Variants in ANKRD11 observed in about 807,000 individuals in gnomAD.
ANKRD11 encodes the protein ankyrin repeat domain 11.
ANKRD11 carries 17 observed loss-of-function variants against 195.7 expected under a neutral mutation model. The ratio of observed to expected loss-of-function variants is 0.09; its 90% CI spans 0.06 to 0.13. ANKRD11 has a LOEUF of 0.13. ANKRD11 is among the 10% of genes least tolerant of loss of function. ANKRD11 has a pLI of 1.00. For synonymous variants in ANKRD11, 1,953 were observed against 1,528.1 expected, an observed-to-expected ratio of 1.28 and a Z score of -6.49; for missense variants, 3,735 against 3,566.1, an observed-to-expected ratio of 1.05 and a Z score of -1.21.
At chr16:89,314,005 C>T (rs2036780573) in intron 3 of ANKRD11, among the ~76,000 whole-genome samples, 1 of 152,332 alleles carries the variant, frequency 6.6e-6, no homozygotes, top group East Asian at 1.9e-4. Flanking sequence ...TGAAGGATCA[C>T]TTGAGCTCAG....
intron 2 of ANKRD11, among the ~76,000 whole-genome samples, chr16:89,379,828 A>G (rs1005077749): frequency 1.3e-5 from 2 of 152,260 alleles, no homozygotes; most frequent in African/African-American, 4.8e-5. Context: ...CAAGAAGAGT[A>G]TACATAATAA....
At chr16:89,315,285 G>A (rs182502982) in intron 3 of ANKRD11, among the ~76,000 whole-genome samples, 1 of 152,290 alleles carries the variant, frequency 6.6e-6, no homozygotes, top group East Asian at 1.9e-4. Flanking sequence ...CGTGAATGCT[G>A]AGTCCCAGGA....
At chr16:89,335,334 A>G (rs2038295505) in intron 2 of ANKRD11, among the ~76,000 whole-genome samples, 1 of 152,182 alleles carries the variant, frequency 6.6e-6, no homozygotes, top group African/African-American at 2.4e-5. Flanking sequence ...AGTTCCTTCC[A>G]GCACAGGAAC....
intron 6 of ANKRD11, among the ~76,000 whole-genome samples, chr16:89,290,223 TGGGGGAGGCTCAGGGCTCCAG>T (rs1567590921): frequency 3.0e-5 from 4 of 131,258 alleles, no homozygotes; most frequent in African/African-American, 1.2e-4. Flanking sequence ...ACGGCTCCAA[TGGGGGAGGCTCAGGGCTCCAG>T]CGGGGGGTAG....
intron 2 of ANKRD11, among the ~76,000 whole-genome samples, chr16:89,378,659 G>T (rs966723679): frequency 1.3e-5 from 2 of 152,160 alleles, no homozygotes; most frequent in African/African-American, 4.8e-5. Flanking sequence ...TGTACACAAA[G>T]ATTTCTGCCT....
At chr16:89,356,979 T>G (rs183394640) in intron 2 of ANKRD11, among the ~76,000 whole-genome samples, 2 of 152,072 alleles carry the variant, frequency 1.3e-5, no homozygotes, top group Non-Finnish European at 2.9e-5. Context: ...CTTGGAGGGG[T>G]TGGTGGCTGC....
Position 89,290,993 on chromosome 16 carries a change from C to A in ANKRD11, c.397+20G>T. ...AGAGCCCCTTCCCTGCGCCAGGGAC[C>A]ACCCACAGGCCGGGCTCACCTGGGC... On this transcript the variant is annotated intron_variant, in intron 5 of 12. Coordinates refer to ENST00000301030, the MANE Select transcript of ANKRD11 (RefSeq NM_013275.6). 6.2e-7 allele frequency: 1 copy of A among 1,610,500 alleles called. No homozygotes were observed. Among genetic ancestry groups the A allele is most frequent in the Non-Finnish European group, 8.5e-7 (1 of 1,179,734 alleles).
chr16:89,397,316 C>T (rs2041482599), intron 2 of ANKRD11, among the ~76,000 whole-genome samples: 1 of 152,198 alleles, frequency 6.6e-6, no homozygotes, highest in African/African-American at 2.4e-5. Flanking sequence ...CTCACAAGTC[C>T]AACTCCACGG....
At chr16:89,411,019 G>A (rs1489816766) in intron 2 of ANKRD11, among the ~76,000 whole-genome samples, 1 of 152,226 alleles carries the variant, frequency 6.6e-6, no homozygotes. Flanking sequence ...AGAGAAGGGT[G>A]GCCAGGGCAG....
At chr16:89,391,806 G>A (rs1349360392) in intron 2 of ANKRD11, among the ~76,000 whole-genome samples, 1 of 152,178 alleles carries the variant, frequency 6.6e-6, no homozygotes, top group Non-Finnish European at 1.5e-5. Flanking sequence ...TCTCTTAAAA[G>A]CAACATTTAT....
intron 2 of ANKRD11, among the ~76,000 whole-genome samples, chr16:89,351,005 T>C (rs889276234): frequency 6.6e-6 from 1 of 152,208 alleles, no homozygotes; most frequent in South Asian, 2.1e-4. Context: ...CACTCTGTGA[T>C]GCTCAGAGGA....
At chr16:89,454,044 A>G (rs2965949) in intron 1 of ANKRD11, among the ~76,000 whole-genome samples, 99,885 of 152,070 alleles carry the variant, frequency 0.66, 33,412 homozygotes, top group Middle Eastern at 0.86. Context: ...CAGGTAGTAC[A>G]TGTTTCACAA....
intron 2 of ANKRD11, among the ~76,000 whole-genome samples, chr16:89,335,909 C>T (rs1039383788): frequency 2.0e-5 from 3 of 152,184 alleles, no homozygotes; most frequent in African/African-American, 7.2e-5. Flanking sequence ...AGCTGACTGG[C>T]CAGACCCCTG....
At chr16:89,350,100 A>G (rs182779888) in intron 2 of ANKRD11, among the ~76,000 whole-genome samples, 8 of 152,324 alleles carry the variant, frequency 5.3e-5, no homozygotes, top group Admixed American at 4.6e-4. Flanking sequence ...TGAAAAGACA[A>G]GCAACATCAT....
In ANKRD11 at chr16:89,281,071, G is replaced by A; in HGVS notation, c.5471C>T (p.Pro1824Leu). 1 of 1,608,038 alleles carries A rather than the reference G, an allele frequency of 6.2e-7. No homozygotes were observed. Residue 1824 changes from proline (P) to leucine (L), a missense_variant, in exon 9 of 13, where the codon CCC becomes CTC. Physicochemically the swap from Pro to Leu is moderately conservative, Grantham distance 98. Coordinates refer to ENST00000301030, the MANE Select transcript of ANKRD11 (RefSeq NM_013275.6). The surrounding 1 kb of genome is among the most constrained non-coding windows in gnomAD (Gnocchi z 5.5). ...SVPAASSYDSPMPPSMEDRAP... is the reference protein window; with the variant it reads ...SVPAASSYDSLMPPSMEDRAP... ...CCTGTCTTCCATCGAGGGTGGCATG[G>A]GAGAGTCGTAGCTGGAGGCAGCAGG...
intron 2 of ANKRD11, among the ~76,000 whole-genome samples, chr16:89,341,750 T>A (rs940127757): frequency 6.6e-6 from 1 of 152,252 alleles, no homozygotes; most frequent in Non-Finnish European, 1.5e-5. Context: ...GGGTTAACTC[T>A]CTCTGCACAA....
At chr16:89,322,214 C>A (rs1246253530) in intron 2 of ANKRD11, among the ~76,000 whole-genome samples, 2 of 152,178 alleles carry the variant, frequency 1.3e-5, no homozygotes, top group East Asian at 3.8e-4. Context: ...AAACACCAAG[C>A]CCCCTTACAC....
At chr16:89,464,516 G>A (rs1417969768) in intron 1 of ANKRD11, among the ~76,000 whole-genome samples, 1 of 148,174 alleles carries the variant, frequency 6.7e-6, no homozygotes, top group South Asian at 2.1e-4. Flanking sequence ...GCTGAGGCAC[G>A]AGAATCGCTT....
rs536376509 is a variant in ANKRD11 at position 89,414,094 on chromosome 16, G to A, written c.-60+4190C>T. 7.2e-5 allele frequency among the ~76,000 whole-genome samples: 11 copies of A among 152,294 alleles called. No homozygotes were observed. In the South Asian group the frequency reaches 1.9e-3, roughly 26 times the overall value. On this transcript the variant is annotated intron_variant, in intron 2 of 12. Transcript: ENST00000301030. ...CCACAGGCACAGCTGCTCGGACTGC[G>A]CACTCGGGGACACTGAGGCGCACGA...
Sources: allele counts gnomAD v4.1 joint callset (sites outside exome capture counted in the v4.1 genomes callset), GRCh38; gene constraint gnomAD v4.1.1; non-coding constraint Gnocchi (gnomAD v3.1); transcripts MANE v1.5; gene names NCBI Gene and HGNC (gene_info 2026-07-23, HGNC 2026-07-21).